The following CSTF1 variants were observed in gnomAD, a reference collection of about 807,000 sequenced individuals.
The protein encoded by CSTF1 is CF-1 50 kDa subunit.
CSTF1 carries 2 observed loss-of-function variants against 40.9 expected under a neutral mutation model. The observed-to-expected ratio is 0.05, with a 90% CI of 0.02 to 0.15. The LOEUF (loss-of-function observed/expected upper bound fraction) is 0.15. Among genes scored for constraint, CSTF1 ranks in the 10% least tolerant of loss-of-function variants. CSTF1 has a pLI of 1.00. For missense variants in CSTF1, 279 were observed against 558.9 expected, an observed-to-expected ratio of 0.50 and a Z score of 5.05; for synonymous variants, 218 against 207.2, an observed-to-expected ratio of 1.05 and a Z score of -0.45.
At position 56,397,186 on chromosome 20, in the gene CSTF1, C is replaced by G. The variant is rs773621412; in HGVS notation, c.170-21C>G. On this transcript the variant is annotated intron_variant, in intron 2 of 5. Transcript: ENST00000217109. This position sits in a 1 kb window ranked among gnomAD's most constrained non-coding sequence, Gnocchi z 4.4. ...GAAAAAACACTTGTTTTGTTACGCC[C>G]TTAATTTTGATTTCTTTCAGGAATG... 3.1e-6 allele frequency: 5 copies of G among 1,601,638 alleles called. No homozygotes were observed. Among genetic ancestry groups the G allele is most frequent in the South Asian group, 1.1e-5 (1 of 89,722 alleles).
chr20:56,401,232 A>G (rs1435701244), intron 5 of CSTF1, among the ~76,000 whole-genome samples: 1 of 152,232 alleles, frequency 6.6e-6, no homozygotes, highest in Non-Finnish European at 1.5e-5. Flanking sequence ...TAATCTATAA[A>G]GAGAACTCAT....
chr20:56,402,319 A>G (rs577763355), intron 5 of CSTF1, among the ~76,000 whole-genome samples: 9 of 151,874 alleles, frequency 5.9e-5, no homozygotes, highest in African/African-American at 9.7e-5. Context: ...AAAAAAAAAA[A>G]AAAGAGAGAA....
Position 56,397,113 on chromosome 20 carries a change from T to C in CSTF1, c.170-94T>C. 7 of 1,336,920 alleles carry C rather than the reference T, an allele frequency of 5.2e-6. No individual in the cohort carries two copies. The highest frequency in any genetic ancestry group is 7.2e-6 in the Non-Finnish European group (7 of 966,252). The allele number at this position is 1,336,920 out of a possible 1,614,324, so 82.8% of individuals were successfully genotyped here. A position where few individuals can be genotyped will look rare whatever the true frequency, so the allele number is the denominator to read the frequency against. ...CCAAGAAATAGGAGGTTGACACTGGTGAGCATCTTTCCAGTTTGGATCTAG... is the reference window on the plus strand; with the variant it reads ...CCAAGAAATAGGAGGTTGACACTGGCGAGCATCTTTCCAGTTTGGATCTAG... On this transcript the variant is annotated intron_variant, in intron 2 of 5. Coordinates refer to ENST00000217109, the MANE Select transcript of CSTF1 (RefSeq NM_001324.3). This position sits in a 1 kb window ranked among gnomAD's most constrained non-coding sequence, Gnocchi z 4.4.
At position 56,403,816 on chromosome 20, in the gene CSTF1, C is replaced by T; in HGVS notation, c.*89C>T. On this transcript the variant is annotated 3_prime_UTR_variant, in exon 6 of 6. Coordinates refer to ENST00000217109, the MANE Select transcript of CSTF1 (RefSeq NM_001324.3). ...CTGCAGTCGTAAGTCCGTGCACCAT[C>T]CTTGACGTTTTGCTGCCACCTCTGT... 1 of 1,368,610 alleles carries T rather than the reference C, an allele frequency of 7.3e-7. No homozygotes were observed. Among genetic ancestry groups the T allele is most frequent in the Non-Finnish European group, 1.0e-6 (1 of 997,810 alleles). 84.8% of individuals were successfully genotyped at this position (1,368,610 alleles called of 1,614,324 possible). A position where few individuals can be genotyped will look rare whatever the true frequency, so the allele number is the denominator to read the frequency against.
rs1015919955 is a variant in CSTF1, at chr20:56,405,037, C to T, written c.*1310C>T. ...TAGCAGAGTCAGAGAACTCTGAACT[C>T]CCCTTGTACAAACATAAACTTTGCT... On this transcript the variant is annotated 3_prime_UTR_variant, in exon 6 of 6. Transcript: ENST00000217109. 1 of 151,560 alleles carries T rather than the reference C, an allele frequency of 6.6e-6. No homozygotes were observed. The highest frequency in any genetic ancestry group is 1.5e-5 in the Non-Finnish European group (1 of 67,950). 9.4% of individuals were successfully genotyped at this position (151,560 alleles called of 1,614,324 possible). A position where few individuals can be genotyped will look rare whatever the true frequency, so the allele number is the denominator to read the frequency against.
At chr20:56,398,447 A>G (rs1480436513) in intron 4 of CSTF1, among the ~76,000 whole-genome samples, 1 of 152,176 alleles carries the variant, frequency 6.6e-6, no homozygotes, top group Admixed American at 6.5e-5. Flanking sequence ...GCACGCGCCG[A>G]TAGTCCCAGC....
chr20:56,397,406 A>C lies in CSTF1; in HGVS notation c.369A>C (p.Ile123=), dbSNP rs749772745. The C allele has an allele frequency of 3.1e-5, 50 of 1,614,076 alleles. No individual in the cohort carries two copies. The highest frequency in any genetic ancestry group is 4.0e-5 in the Non-Finnish European group (47 of 1,180,036). Residue 123 remains isoleucine (I), a synonymous_variant, in exon 3 of 6, where the codon ATA becomes ATC. Transcript: ENST00000217109. This position sits in a 1 kb window ranked among gnomAD's most constrained non-coding sequence, Gnocchi z 4.4. ...VATYSRDGQL[I]ATGSADASIK... is the part of the protein sequence containing the mutation. ...CCTATAGTAGAGATGGACAGTTAAT[A>C]GCTACTGGGTCTGCTGATGCTTCGA... is the stretch of plus-strand genomic sequence containing the variant.
Position 56,397,590 on chromosome 20 carries a change from G to A in CSTF1, c.448-54G>A. On this transcript the variant is annotated intron_variant, in intron 3 of 5. Transcript: ENST00000217109. This position sits in a 1 kb window ranked among gnomAD's most constrained non-coding sequence, Gnocchi z 4.4. ...TTAGTTTGCTACAGTTGTGGATTGT[G>A]CACTTGGATTCAGACACATTCTGTG... is the stretch of plus-strand genomic sequence containing the variant. 1.2e-6 allele frequency: 2 copies of A among 1,601,742 alleles called. No homozygotes were observed. The highest frequency in any genetic ancestry group is 2.2e-5 in the South Asian group (2 of 90,778).
intron 5 of CSTF1, among the ~76,000 whole-genome samples, chr20:56,402,049 A>G (rs1277569421): frequency 6.6e-6 from 1 of 152,004 alleles, no homozygotes; most frequent in East Asian, 1.9e-4. Context: ...GCTCACACCT[A>G]TTATCCCAGC....
intron 4 of CSTF1, among the ~76,000 whole-genome samples, chr20:56,398,411 A>G (rs1260092175): frequency 1.3e-5 from 2 of 152,136 alleles, no homozygotes; most frequent in African/African-American, 4.8e-5. Flanking sequence ...TCTACAAAAA[A>G]TTCTTTTAAT....
Position 56,399,413 on chromosome 20 carries a change from C to T in CSTF1, c.1036+56C>T. On this transcript the variant is annotated intron_variant, in intron 5 of 5. Transcript: ENST00000217109. The surrounding 1 kb of genome is among the most constrained non-coding windows in gnomAD (Gnocchi z 4.6). ...TCTGTAGTGTTTACACTTTCCAGAACTCTCTTTTAAGACCTCACAATAGAG... is the reference window on the plus strand; with the variant it reads ...TCTGTAGTGTTTACACTTTCCAGAATTCTCTTTTAAGACCTCACAATAGAG... 1 of 1,491,122 alleles carries T rather than the reference C, an allele frequency of 6.7e-7. No homozygotes were observed. 92.4% of individuals were successfully genotyped at this position (1,491,122 alleles called of 1,614,324 possible).
rs34554352 is a variant in CSTF1, at chr20:56,392,703, C to A, written c.-43C>A. The A allele has an allele frequency of 6.6e-6, 1 of 152,174 alleles. No homozygotes were observed. Among genetic ancestry groups the A allele is most frequent in the African/African-American group, 2.4e-5 (1 of 41,440 alleles). The allele number at this position is 152,174 out of a possible 1,614,324, so 9.4% of individuals were successfully genotyped here. A position where few individuals can be genotyped will look rare whatever the true frequency, so the allele number is the denominator to read the frequency against. On this transcript the variant is annotated 5_prime_UTR_variant, in exon 1 of 6. Transcript: ENST00000217109. ...GGAGAGAGCGGGATACCAAGAGAAC[C>A]GGACCAGCTGGTACTGGGACACGGG... is the stretch of plus-strand genomic sequence containing the variant.
chr20:56,405,520 A>C lies in CSTF1; in HGVS notation c.*1793A>C, dbSNP rs1399017557. The C allele has an allele frequency of 6.6e-6, 1 of 152,148 alleles. No individual in the cohort carries two copies. The highest frequency in any genetic ancestry group is 1.5e-5 in the Non-Finnish European group (1 of 68,006). 9.4% of individuals were successfully genotyped at this position (152,148 alleles called of 1,614,324 possible). Reference sequence around the variant, plus strand: ...CACCACGCGCGGCCCCATCATACGAAGTTACTGAAGTTATTGCGTAAACAT... The same window carrying C: ...CACCACGCGCGGCCCCATCATACGACGTTACTGAAGTTATTGCGTAAACAT... On this transcript the variant is annotated 3_prime_UTR_variant, in exon 6 of 6. Coordinates refer to ENST00000217109, the MANE Select transcript of CSTF1 (RefSeq NM_001324.3).
rs1403655249 is a variant in CSTF1, at chr20:56,397,999, C to A, written c.645+158C>A. Among the ~76,000 whole-genome samples the A allele has an allele frequency of 2.0e-5, 3 of 152,164 alleles. No individual in the cohort carries two copies. The highest frequency in any genetic ancestry group is 4.4e-5 in the Non-Finnish European group (3 of 68,030). ...GCACATGGATCAGATTTTGTTGGCA[C>A]ATAGATCACATGCTATCATGTACCT... is the stretch of plus-strand genomic sequence containing the variant. On this transcript the variant is annotated intron_variant, in intron 4 of 5. Coordinates refer to ENST00000217109, the MANE Select transcript of CSTF1 (RefSeq NM_001324.3). The surrounding 1 kb of genome is among the most constrained non-coding windows in gnomAD (Gnocchi z 4.4).
At chr20:56,395,264 G>T (rs1480892838) in intron 1 of CSTF1, among the ~76,000 whole-genome samples, 1 of 152,190 alleles carries the variant, frequency 6.6e-6, no homozygotes, top group Non-Finnish European at 1.5e-5. Flanking sequence ...CGTAAACACT[G>T]GCTAACATGA....
rs1415622919 is a variant in CSTF1 at position 56,403,666 on chromosome 20, T to C, written c.1235T>C (p.Phe412Ser). 6.2e-7 allele frequency: 1 copy of C among 1,614,112 alleles called. No homozygotes were observed. The highest frequency in any genetic ancestry group is 8.5e-7 in the Non-Finnish European group (1 of 1,180,018). The change falls in exon 6 of 6, where the codon TTC (phenylalanine) becomes TCC (serine). Residue 412 changes from phenylalanine to serine, a missense_variant. Phe to Ser is a radical substitution (Grantham distance 155, BLOSUM62 -2). Transcript: ENST00000217109. ...GTGCACTCCCCCACCAACCCCGGGT[T>C]CATGACGTGCAGCGATGACTTCAGA... ...CIVHSPTNPG[F>S]MTCSDDFRAR...
chr20:56,392,694 C>T lies in CSTF1; in HGVS notation c.-52C>T, dbSNP rs1987294172. The T allele has an allele frequency of 6.6e-6, 1 of 152,132 alleles. No homozygotes were observed. The highest frequency in any genetic ancestry group is 1.5e-5 in the Non-Finnish European group (1 of 68,048). The allele number at this position is 152,132 out of a possible 1,614,324, so 9.4% of individuals were successfully genotyped here. The stretch of plus-strand genomic sequence containing the variant: ...ATTTTTCCAGGAGAGAGCGGGATAC[C>T]AAGAGAACCGGACCAGCTGGTACTG... On this transcript the variant is annotated 5_prime_UTR_variant, in exon 1 of 6. Transcript: ENST00000217109.
intron 5 of CSTF1, among the ~76,000 whole-genome samples, chr20:56,402,200 A>C (rs1358391731): frequency 2.6e-5 from 4 of 151,910 alleles, no homozygotes; most frequent in African/African-American, 4.8e-5. Context: ...CCAGCTACTC[A>C]GGAGGCTGAG....
chr20:56,399,356 G>A lies in CSTF1; in HGVS notation c.1035G>A (p.Thr345=), dbSNP rs142470989. The part of the protein sequence containing the change: ...ISTGRTLVRY[T]GAGLSGRQVH... Reference sequence around the variant, plus strand: ...CGGGACGAACACTGGTCAGATACACGGGTATGTGAGACGTTGATGTTACTT... The same window carrying A: ...CGGGACGAACACTGGTCAGATACACAGGTATGTGAGACGTTGATGTTACTT... Residue 345 remains threonine, a splice_region_variant and synonymous_variant, in exon 5 of 6, where the codon ACG becomes ACA. Transcript: ENST00000217109. The surrounding 1 kb of genome is among the most constrained non-coding windows in gnomAD (Gnocchi z 4.6). 9.0e-5 allele frequency: 145 copies of A among 1,605,190 alleles called. No homozygotes were observed. In the African/African-American group the frequency reaches 1.5e-3, roughly 17 times the overall value.
Sources: gnomAD v4.1 joint callset for allele counts (sites outside exome capture counted in the v4.1 genomes callset) on GRCh38, gnomAD v4.1.1 for gene constraint, Gnocchi (gnomAD v3.1) non-coding constraint, MANE v1.5 for transcripts, NCBI Gene and HGNC (gene_info 2026-07-23, HGNC 2026-07-21) for gene names.